The following RABL2A variants were observed in gnomAD, a reference collection of about 807,000 sequenced individuals.
RABL2A encodes the protein rab-like protein 2A.
Under a neutral mutation model 30.7 loss-of-function variants are expected in RABL2A, and 17 were observed. The ratio of observed to expected loss-of-function variants is 0.55; its 90% CI spans 0.38 to 0.83. RABL2A has a LOEUF of 0.83. RABL2A is among the 40% of genes least tolerant of loss of function. The pLI is 0.00. For missense variants in RABL2A, 155 were observed against 272.6 expected, an observed-to-expected ratio of 0.57 and a Z score of 3.04; for synonymous variants, 64 against 101.8, an observed-to-expected ratio of 0.63 and a Z score of 2.24.
intron 5 of RABL2A, 169 bp from the exon 6 acceptor site, chr2:113,640,725 C>T (rs1384058191): frequency 2.5e-5 from 21 of 842,474 alleles, no homozygotes; most frequent in Admixed American, 1.4e-4. Flanking sequence ...CTCCAGGGGG[C>T]TTCCCTGAGA....
Position 113,640,942 on chromosome 2 carries a change from T to C in RABL2A, c.346T>C (p.Tyr116His), listed in dbSNP as rs568087319. ...CACCTATAGGAACCTGAGCACCTGG[T>C]ATACAGAGCTTCGGGAGTTCAGGCC... ...KVTYRNLSTW[Y>H]TELREFRPEI... The change falls in exon 6 of 9, where the codon TAT (tyrosine) becomes CAT (histidine). Residue 116 changes from tyrosine (Y) to histidine (H), a missense_variant. Physicochemically the swap from Tyr to His is moderately conservative, Grantham distance 83. Transcript: ENST00000683472. The C allele has an allele frequency of 2.5e-6, 4 of 1,613,820 alleles. No homozygotes were observed. The highest frequency in any genetic ancestry group is 3.4e-6 in the Non-Finnish European group (4 of 1,179,834).
chr2:113,635,895 T>C (rs1185719871), intron 5 of RABL2A, among the ~76,000 whole-genome samples: 2 of 148,922 alleles, frequency 1.3e-5, no homozygotes, highest in Non-Finnish European at 3.0e-5. Flanking sequence ...TCACCTGAGG[T>C]CAGCAGTTTG....
chr2:113,630,496 T>A (rs1458018419), intron 2 of RABL2A, among the ~76,000 whole-genome samples: 2 of 152,188 alleles, frequency 1.3e-5, no homozygotes, highest in Non-Finnish European at 2.9e-5. Flanking sequence ...TTAACACTTG[T>A]GTTCATCATA....
At chr2:113,633,131 G>A in intron 3 of RABL2A, 187 bp downstream of exon 3, 2 of 806,538 alleles carry the variant, frequency 2.5e-6, no homozygotes, top group South Asian at 1.5e-5. Flanking sequence ...TGCACAATCA[G>A]TGCTGTATAT....
chr2:113,630,817 G>A (rs1235769845), intron 2 of RABL2A, among the ~76,000 whole-genome samples: 1 of 152,146 alleles, frequency 6.6e-6, no homozygotes, highest in African/African-American at 2.4e-5. Context: ...GCCATTACAG[G>A]TGTGAGCCAC....
At chr2:113,634,977 G>C in intron 4 of RABL2A, 74 bp from the exon 5 acceptor site, 1 of 1,588,156 alleles carries the variant, frequency 6.3e-7, no homozygotes, top group Non-Finnish European at 8.6e-7. Context: ...GGTTTGTGCC[G>C]CATGTGTGTT....
At chr2:113,641,185 C>T (rs1452779635) in intron 6 of RABL2A, 168 bp from the exon 7 acceptor site, 6 of 1,118,248 alleles carry the variant, frequency 5.4e-6, no homozygotes, top group African/African-American at 3.2e-5. Context: ...GCTAAGCCGA[C>T]CTGCCCTCTT....
chr2:113,639,742 G>A (rs921658908), intron 5 of RABL2A, among the ~76,000 whole-genome samples: 1 of 152,032 alleles, frequency 6.6e-6, no homozygotes, highest in African/African-American at 2.4e-5. Context: ...TGTAGTCCCA[G>A]CTACTGAGGA....
rs367695671 is a variant in RABL2A, at chr2:113,637,644, T to A, written c.297+2514T>A. On this transcript the variant is annotated intron_variant, in intron 5 of 8. Transcript: ENST00000683472. Reference sequence around the variant, plus strand: ...TTCCAAAAGCTTTAACTCTGATAACTGTTAAGGTACTAAACAAGAGGATAA... The same window carrying A: ...TTCCAAAAGCTTTAACTCTGATAACAGTTAAGGTACTAAACAAGAGGATAA... 320 of 1,251,948 alleles carry A rather than the reference T, an allele frequency of 2.6e-4. 3 individuals carry two copies. The South Asian group carries it at 4.2e-3, about 17-fold the overall frequency. 77.6% of individuals were successfully genotyped at this position (1,251,948 alleles called of 1,614,324 possible). A position where few individuals can be genotyped will look rare whatever the true frequency, so the allele number is the denominator to read the frequency against.
chr2:113,641,527 C>G (rs570508391), intron 7 of RABL2A, 77 bp downstream of exon 7: 507 of 1,612,260 alleles, frequency 3.1e-4, no homozygotes, highest in Non-Finnish European at 3.8e-4. Flanking sequence ...GAAGGGCTTA[C>G]TGCAGGTGTG....
intron 5 of RABL2A, chr2:113,637,918 C>A: frequency 2.0e-6 from 2 of 985,444 alleles, no homozygotes; most frequent in African/African-American, 3.5e-5. Flanking sequence ...CTGCCACCAG[C>A]CCCAGTCTGC....
chr2:113,639,532 G>A (rs1684298575), intron 5 of RABL2A, among the ~76,000 whole-genome samples: 1 of 151,558 alleles, frequency 6.6e-6, no homozygotes, highest in Non-Finnish European at 1.5e-5. Context: ...TGAGACAAGA[G>A]AATCGCTTGA....
chr2:113,632,939 T>C lies in RABL2A; in HGVS notation c.132T>C (p.Asp44=), dbSNP rs767248096. The stretch of plus-strand genomic sequence containing the variant: ...GACTCATGGAGAGATTTCTCATGGA[T>C]GGCTTGTATCCTTCAAGGTTTGAAG... ...KSKLMERFLM[D]GFQPQQLSTY... is the part of the protein sequence containing the mutation. The change falls in exon 3 of 9, where the codon GAT becomes GAC. Residue 44 remains aspartate, a synonymous_variant. Coordinates refer to ENST00000683472, the MANE Select transcript of RABL2A (RefSeq NM_001306158.2). 3 of 1,614,098 alleles carry C rather than the reference T, an allele frequency of 1.9e-6. No individual in the cohort carries two copies. Among genetic ancestry groups the C allele is most frequent in the Admixed American group, 1.7e-5 (1 of 59,996 alleles).
intron 2 of RABL2A, among the ~76,000 whole-genome samples, chr2:113,630,544 A>G (rs1679916771): frequency 6.6e-6 from 1 of 152,040 alleles, no homozygotes; most frequent in African/African-American, 2.4e-5. Context: ...TCATTTCTAG[A>G]TAGCAATGTT....
rs567643170 is a variant in RABL2A at position 113,638,616 on chromosome 2, C to T, written c.298-2278C>T. 127 of 914,488 alleles carry T rather than the reference C, an allele frequency of 1.4e-4. No individual in the cohort carries two copies. In the African/African-American group the frequency reaches 2.2e-3, roughly 16 times the overall value. 56.6% of individuals were successfully genotyped at this position (914,488 alleles called of 1,614,324 possible). A position where few individuals can be genotyped will look rare whatever the true frequency, so the allele number is the denominator to read the frequency against. On this transcript the variant is annotated intron_variant, in intron 5 of 8. Transcript: ENST00000683472. ...GGCGCGGTGACTCATGCCTTTAATC[C>T]CAGTACTTTGGGAGGCCTAGGTGGG...
At chr2:113,632,522 T>A (rs1179565117) in intron 2 of RABL2A, among the ~76,000 whole-genome samples, 2 of 152,364 alleles carry the variant, frequency 1.3e-5, no homozygotes, top group East Asian at 3.9e-4. Context: ...GCTCTCGGCC[T>A]CCCAAAGTGC....
intron 4 of RABL2A, 166 bp from the exon 5 acceptor site, chr2:113,634,885 C>T: frequency 4.6e-6 from 4 of 863,204 alleles, no homozygotes; most frequent in Non-Finnish European, 7.5e-6. Context: ...CTCAGGTGCA[C>T]TGTGTCTTGA....
Position 113,642,918 on chromosome 2 carries a change from G to A in RABL2A, c.*789G>A, listed in dbSNP as rs553509914. ...TGGGATTACAGGCATGAGCCACCGC[G>A]CCCGGCCCCAATCATCTGTTTTTAA... On this transcript the variant is annotated 3_prime_UTR_variant, in exon 9 of 9. Transcript: ENST00000683472. 1.3e-5 allele frequency: 4 copies of A among 317,550 alleles called. No individual in the cohort carries two copies. Among genetic ancestry groups the A allele is most frequent in the South Asian group, 6.9e-5 (3 of 43,282 alleles). The allele number at this position is 317,550 out of a possible 1,614,324, so 19.7% of individuals were successfully genotyped here. A position where few individuals can be genotyped will look rare whatever the true frequency, so the allele number is the denominator to read the frequency against.
At chr2:113,631,465 G>T (rs976686957) in intron 2 of RABL2A, among the ~76,000 whole-genome samples, 8 of 152,130 alleles carry the variant, frequency 5.3e-5, no homozygotes, top group Admixed American at 1.3e-4. Context: ...TCATTATCCT[G>T]AGGGAGTTGT....
Sources: allele counts gnomAD v4.1 joint callset (sites outside exome capture counted in the v4.1 genomes callset), GRCh38; gene constraint gnomAD v4.1.1; transcripts MANE v1.5; gene names NCBI Gene and HGNC (gene_info 2026-07-23, HGNC 2026-07-21).